Variants in RNF169 observed in about 807,000 individuals in gnomAD.
The protein encoded by RNF169 is ring finger protein 169.
RNF169 carries 24 observed loss-of-function variants against 53.9 expected under a neutral mutation model. The ratio of observed to expected loss-of-function variants is 0.45; its 90% confidence interval spans 0.32 to 0.63. The LOEUF (loss-of-function observed/expected upper bound fraction) is 0.63, where lower values mean the gene tolerates loss of function less well. Among genes scored for constraint, RNF169 ranks in the 20% least tolerant of loss-of-function variants. The probability of loss-of-function intolerance (pLI) is 0.04; values close to 1 mark genes in which losing one functional copy is unlikely to be tolerated. For missense variants in RNF169, 883 were observed against 906.2 expected (o/e 0.97, Z 0.33); for synonymous variants, 396 against 363.5 (o/e 1.09, Z -1.02).
At chr11:74,760,539 T>A (rs1000187481) in intron 1 of RNF169, among the ~76,000 whole-genome samples, 15 of 152,142 alleles carry the variant, frequency 9.9e-5, no homozygotes, top group Non-Finnish European at 1.9e-4. Flanking sequence ...TCAAAGAACA[T>A]CTTTATGTCT....
intron 1 of RNF169, 125 bp downstream of exon 1, chr11:74,749,507 G>GA (rs1288088460): frequency 4.9e-6 from 4 of 818,452 alleles, no homozygotes; most frequent in African/African-American, 1.8e-5. Context: ...CGTGGGATTA[G>GA]AACCCGGGCT....
intron 1 of RNF169, among the ~76,000 whole-genome samples, chr11:74,759,689 A>G (rs1755906611): frequency 7.0e-6 from 1 of 143,116 alleles, no homozygotes; most frequent in Admixed American, 7.0e-5. Context: ...AAGCTTTTTG[A>G]TGTGCTGCTG....
At chr11:74,827,962 A>G (rs919787049) in intron 4 of RNF169, among the ~76,000 whole-genome samples, 2 of 152,204 alleles carry the variant, frequency 1.3e-5, no homozygotes, top group Admixed American at 6.5e-5. Context: ...TATTCGCCAT[A>G]GTATTGGAAG....
At chr11:74,770,893 C>G (rs925580417) in intron 1 of RNF169, among the ~76,000 whole-genome samples, 9 of 152,068 alleles carry the variant, frequency 5.9e-5, no homozygotes, top group African/African-American at 2.2e-4. Flanking sequence ...ACAACCTCTG[C>G]CTCCTGGGTT....
At chr11:74,795,897 T>C (rs555283551) in intron 2 of RNF169, among the ~76,000 whole-genome samples, 1 of 152,204 alleles carries the variant, frequency 6.6e-6, no homozygotes, top group African/African-American at 2.4e-5. Context: ...TTTTGTTGGA[T>C]GTTAACAAAT....
At chr11:74,832,470 C>T (rs1379327639) in intron 4 of RNF169, 1 of 151,952 alleles carries the variant, frequency 6.6e-6, no homozygotes, top group African/African-American at 2.4e-5. Context: ...TTCAATTTGA[C>T]TGTTTTACAC....
chr11:74,775,022 C>G lies in RNF169; in HGVS notation c.503-14604C>G, dbSNP rs1019625151. ...AGAAACAGTGAATATAACATTTAGA[C>G]AATTCTTTGGAGGAATTTGCAGTAA... On this transcript the variant is annotated intron_variant, in intron 1 of 5. Coordinates refer to ENST00000299563, the MANE Select transcript of RNF169 (RefSeq NM_001098638.2). Among the ~76,000 whole-genome samples, 6 of 152,182 alleles carry G rather than the reference C, an allele frequency of 3.9e-5. No homozygotes were observed. The East Asian group carries it at 1.2e-3, about 29-fold the overall frequency.
At chr11:74,765,549 C>T (rs985443454) in intron 1 of RNF169, among the ~76,000 whole-genome samples, 1 of 151,928 alleles carries the variant, frequency 6.6e-6, no homozygotes, top group African/African-American at 2.4e-5. Context: ...GCCTGCAATC[C>T]CAGCACTTTG....
intron 1 of RNF169, among the ~76,000 whole-genome samples, chr11:74,760,151 G>A (rs1224564163): frequency 1.3e-5 from 2 of 151,480 alleles, no homozygotes; most frequent in Admixed American, 6.6e-5. Flanking sequence ...GGGATTGGTG[G>A]TGATATCCCC....
At chr11:74,759,087 C>T (rs1449147486) in intron 1 of RNF169, among the ~76,000 whole-genome samples, 3 of 142,442 alleles carry the variant, frequency 2.1e-5, no homozygotes, top group Admixed American at 1.5e-4. Context: ...AATGGGAGTT[C>T]ACTCATGATT....
chr11:74,765,806 C>CAAA (rs35483204), intron 1 of RNF169, among the ~76,000 whole-genome samples: 1 of 108,980 alleles, frequency 9.2e-6, no homozygotes, highest in Non-Finnish European at 1.9e-5. Flanking sequence ...GGCAACATCT[C>CAAA]AAAAAAAAAA....
chr11:74,767,320 A>T (rs576676915), intron 1 of RNF169, among the ~76,000 whole-genome samples: 33 of 152,340 alleles, frequency 2.2e-4, no homozygotes, highest in African/African-American at 7.5e-4. Flanking sequence ...TCATTGCAAT[A>T]GATGGCTTAA....
intron 1 of RNF169, among the ~76,000 whole-genome samples, chr11:74,761,440 C>G (rs1174763111): frequency 6.7e-6 from 1 of 148,696 alleles, no homozygotes; most frequent in Non-Finnish European, 1.5e-5. Flanking sequence ...GATTTTGCAG[C>G]AGCTGGTACC....
At chr11:74,817,810 T>G in intron 4 of RNF169, 96 bp downstream of exon 4, 5 of 790,812 alleles carry the variant, frequency 6.3e-6, no homozygotes, top group Non-Finnish European at 1.1e-5. Flanking sequence ...GTGGCTACTT[T>G]GGTGGGGAGG....
rs1470373714 is a variant in RNF169 at position 74,834,690 on chromosome 11, A to G, written c.857A>G (p.Lys286Arg). The G allele has an allele frequency of 2.5e-6, 4 of 1,611,468 alleles. No homozygotes were observed. Among genetic ancestry groups the G allele is most frequent in the Non-Finnish European group, 3.4e-6 (4 of 1,178,984 alleles). ...LAFLAGKLNS[K>R]VERSQSCSDT... ...TTCTTTTTTAGGAAGCTAAACTCCA[A>G]GGTGGAAAGGAGTCAGAGCTGTAGT... The change falls in exon 5 of 6, where the codon AAG becomes AGG. Residue 286 changes from lysine (K) to arginine (R), a missense_variant. Physicochemically the swap from Lys to Arg is conservative, Grantham distance 26 (BLOSUM62 2). Coordinates refer to ENST00000299563, the MANE Select transcript of RNF169 (RefSeq NM_001098638.2).
chr11:74,818,938 A>G (rs964486293), intron 4 of RNF169, among the ~76,000 whole-genome samples: 4 of 151,966 alleles, frequency 2.6e-5, no homozygotes, highest in African/African-American at 9.7e-5. Flanking sequence ...TTTCTGCTCT[A>G]CCCTTCTTAC....
At chr11:74,816,645 A>T (rs888145730) in intron 3 of RNF169, among the ~76,000 whole-genome samples, 1 of 152,264 alleles carries the variant, frequency 6.6e-6, no homozygotes, top group Non-Finnish European at 1.5e-5. Flanking sequence ...TTAGTATTTT[A>T]TAGGCAGAGA....
Position 74,834,791 on chromosome 11 carries a change from A to T in RNF169, c.942+16A>T, listed in dbSNP as rs758510233. ...CAAAGCCAAGGTACACCTCAGCCAC[A>T]GACCTCCGGGGCTTGTGAGGCTTGC... On this transcript the variant is annotated intron_variant, in intron 5 of 5. Coordinates refer to ENST00000299563, the MANE Select transcript of RNF169 (RefSeq NM_001098638.2). 2.5e-6 allele frequency: 4 copies of T among 1,585,436 alleles called. No homozygotes were observed. The South Asian group carries it at 3.3e-5, about 13-fold the overall frequency.
At chr11:74,784,758 A>T (rs1017483525) in intron 1 of RNF169, among the ~76,000 whole-genome samples, 24 of 152,218 alleles carry the variant, frequency 1.6e-4, no homozygotes, top group African/African-American at 5.5e-4. Flanking sequence ...CTCATCAGTT[A>T]AGGAGGGTGG....
Sources: gnomAD v4.1 joint callset for allele counts (sites outside exome capture counted in the v4.1 genomes callset) on GRCh38, gnomAD v4.1.1 for gene constraint, MANE v1.5 for transcripts, NCBI Gene and HGNC (gene_info 2026-07-23, HGNC 2026-07-21) for gene names.